CTNS: variants seen among roughly 807,000 people sequenced by gnomAD.
CTNS encodes cystinosin, lysosomal cystine transporter, also known as cystinosin.
CTNS carries 27 observed loss-of-function variants against 43.7 expected under a neutral mutation model. The observed-to-expected ratio is 0.62, with a 90% confidence interval of 0.46 to 0.85. CTNS has a LOEUF of 0.85. Ranked by LOEUF, CTNS falls within the 40% of genes least tolerant of loss-of-function variation. The probability of loss-of-function intolerance (pLI) is 0.00; values close to 1 mark genes in which losing one functional copy is unlikely to be tolerated. For synonymous variants in CTNS, 187 were observed against 190.6 expected (o/e 0.98, Z 0.16); for missense variants, 457 against 475.4 (o/e 0.96, Z 0.36).
At chr17:3,637,876 G>C (rs1412927823) in intron 2 of CTNS, among the ~76,000 whole-genome samples, 2 of 146,486 alleles carry the variant, frequency 1.4e-5, no homozygotes, top group Admixed American at 1.3e-4. Flanking sequence ...GGTCGCATAA[G>C]TAATAAATAG....
chr17:3,648,792 G>C (rs2075905534), intron 4 of CTNS, 55 bp from the exon 5 acceptor site: 2 of 1,406,658 alleles, frequency 1.4e-6, no homozygotes, highest in African/African-American at 2.8e-5. Flanking sequence ...CAGAGGGTTG[G>C]TTGAGATCTC....
chr17:3,656,428 T>C lies in CTNS; in HGVS notation c.462-59T>C, dbSNP rs186245055. ...CCGCCAGTCCTCACCCTCTGCCCTG[T>C]CCCTCCACCCCTGCCAGTCTTCACC... On this transcript the variant is annotated intron_variant, in intron 7 of 11. Coordinates refer to ENST00000046640, the MANE Select transcript of CTNS (RefSeq NM_004937.3). 187 of 749,156 alleles carry C rather than the reference T, an allele frequency of 2.5e-4. 1 individual carries two copies. The East Asian group carries it at 5.5e-3, about 22-fold the overall frequency. 46.4% of individuals were successfully genotyped at this position (749,156 alleles called of 1,614,324 possible). A position where few individuals can be genotyped will look rare whatever the true frequency, so the allele number is the denominator to read the frequency against.
At chr17:3,650,847 G>T (rs1016698378) in intron 5 of CTNS, among the ~76,000 whole-genome samples, 2 of 152,142 alleles carry the variant, frequency 1.3e-5, no homozygotes, top group South Asian at 4.1e-4. Flanking sequence ...CTGTCGCCCA[G>T]GTTGGAGTAA....
intron 5 of CTNS, among the ~76,000 whole-genome samples, chr17:3,651,352 C>G (rs1000097396): frequency 6.6e-6 from 1 of 152,156 alleles, no homozygotes; most frequent in African/African-American, 2.4e-5. Context: ...ACCTCGGCCT[C>G]CCAAAGTGCT....
intron 7 of CTNS, 34 bp from the exon 8 acceptor site, chr17:3,656,453 C>T: frequency 1.4e-6 from 2 of 1,440,614 alleles, no homozygotes; most frequent in Non-Finnish European, 1.9e-6. Flanking sequence ...CAGTCTTCAC[C>T]CCCTGCCCTG....
intron 10 of CTNS, 90 bp downstream of exon 10, chr17:3,658,265 G>A (rs759167881): frequency 9.8e-6 from 15 of 1,536,028 alleles, no homozygotes; most frequent in South Asian, 3.5e-5. Context: ...AGCTCCTGCC[G>A]GCGTGAGGAA....
At position 3,660,451 on chromosome 17, in the gene CTNS, T is replaced by C; in HGVS notation, c.*82T>C. On this transcript the variant is annotated 3_prime_UTR_variant, in exon 12 of 12. Coordinates refer to ENST00000046640, the MANE Select transcript of CTNS (RefSeq NM_004937.3). ...CACCCAGCGAAGGCCGGAGAAGCGG[T>C]TGGGCCCTGGCACACAGGGCTGGCT... 1 of 1,613,442 alleles carries C rather than the reference T, an allele frequency of 6.2e-7. No homozygotes were observed. Among genetic ancestry groups the C allele is most frequent in the South Asian group, 1.1e-5 (1 of 90,908 alleles).
chr17:3,655,739 A>G, intron 7 of CTNS: 1 of 328,754 alleles, frequency 3.0e-6, no homozygotes, highest in South Asian at 2.7e-5. Context: ...CTTGACTTGC[A>G]AAGACACAAG....
In CTNS at chr17:3,658,344, G is replaced by A. The variant is rs1044408278; in HGVS notation, c.852+169G>A. On this transcript the variant is annotated intron_variant, in intron 10 of 11. Transcript: ENST00000046640. ...GGGGCGGTGGGGAGGCCAGCCTGCC[G>A]CTCTTCCCCCGGGGCTGGAATCACA... 4.6e-5 allele frequency among the ~76,000 whole-genome samples: 7 copies of A among 152,270 alleles called. No individual in the cohort carries two copies. The East Asian group carries it at 1.2e-3, about 25-fold the overall frequency.
chr17:3,658,341 G>A (rs1056271225), intron 10 of CTNS, among the ~76,000 whole-genome samples, 166 bp downstream of exon 10: 1 of 152,218 alleles, frequency 6.6e-6, no homozygotes, highest in African/African-American at 2.4e-5. Context: ...AGGCCAGCCT[G>A]CCGCTCTTCC....
intron 5 of CTNS, among the ~76,000 whole-genome samples, chr17:3,653,419 A>G (rs947529158): frequency 6.6e-6 from 1 of 152,134 alleles, no homozygotes; most frequent in African/African-American, 2.4e-5. Flanking sequence ...CTCAAAACAT[A>G]TATAATAATA....
chr17:3,640,910 GA>G (rs1300877004), intron 3 of CTNS, among the ~76,000 whole-genome samples: 2 of 151,642 alleles, frequency 1.3e-5, no homozygotes, highest in African/African-American at 2.4e-5. Context: ...GACTTTAAAA[GA>G]AAAAAAAGAA....
rs757673264 is a variant in CTNS at position 3,655,049 on chromosome 17, A to G, written c.277A>G (p.Asn93Asp). ...CTCCTCTTTTCAAGTGACATCTCAA[A>G]ATGTTGGACAACTTACTGTTTATCT... ...TNSSFQVTSQ[N>D]VGQLTVYLHG... Residue 93 changes from asparagine to aspartate, a missense_variant, in exon 6 of 12, where the codon AAT becomes GAT. Physicochemically the swap from Asn to Asp is conservative, Grantham distance 23. Transcript: ENST00000046640. 1 of 1,614,052 alleles carries G rather than the reference A, an allele frequency of 6.2e-7. No homozygotes were observed. The highest frequency in any genetic ancestry group is 2.2e-5 in the East Asian group (1 of 44,900).
At position 3,656,565 on chromosome 17, in the gene CTNS, C is replaced by T. The variant is rs760508210; in HGVS notation, c.540C>T (p.Leu180=). ...CCTACAGTGTATTCAACATCGGCCT[C>T]CTCTGGGTGCCCTACATCAAGGTAC... ...FVAYSVFNIG[L]LWVPYIKEQF... Residue 180 remains leucine (L), a synonymous_variant, in exon 8 of 12, where the codon CTC becomes CTT. Transcript: ENST00000046640. 3 of 1,611,174 alleles carry T rather than the reference C, an allele frequency of 1.9e-6. No homozygotes were observed. The highest frequency in any genetic ancestry group is 2.5e-6 in the Non-Finnish European group (3 of 1,179,486).
chr17:3,638,511 T>TA (rs1472309082), intron 2 of CTNS, among the ~76,000 whole-genome samples: 2 of 152,022 alleles, frequency 1.3e-5, no homozygotes, highest in Non-Finnish European at 2.9e-5. Flanking sequence ...GTGCTGGAAT[T>TA]ACACACACGA....
Position 3,656,494 on chromosome 17 carries a change from G to A in CTNS, c.469G>A (p.Gly157Ser). ...TCCCTCCACCCCCTGCAGTGTCATT[G>A]GTCTGAGCTTCGACTTCGTGGCTCT... ...IMNWRRKSVI[G>S]LSFDFVALNL... The change falls in exon 8 of 12, where the codon GGT (glycine) becomes AGT (serine). Residue 157 changes from glycine (G) to serine (S), a missense_variant. By Grantham distance (56) the Gly-to-Ser change is moderately conservative. Transcript: ENST00000046640. 1 of 1,593,238 alleles carries A rather than the reference G, an allele frequency of 6.3e-7. No homozygotes were observed. The highest frequency in any genetic ancestry group is 1.7e-4 in the Middle Eastern group (1 of 6,050).
intron 5 of CTNS, among the ~76,000 whole-genome samples, chr17:3,653,857 CA>C (rs1233986488): frequency 1.4e-5 from 2 of 138,974 alleles, no homozygotes; most frequent in Non-Finnish European, 3.1e-5. Context: ...GCCTGGGCAA[CA>C]AGAGCAAAAC....
At chr17:3,641,355 G>GAGATATATATATATATATATATAT (rs777820533) in intron 3 of CTNS, among the ~76,000 whole-genome samples, 6 of 64,062 alleles carry the variant, frequency 9.4e-5, no homozygotes, top group African/African-American at 4.9e-4. Context: ...ACAAAAATCA[G>GAGATATATATATATATATATATAT]ATACATATAT....
chr17:3,647,747 G>A (rs2075878593), intron 4 of CTNS: 6 of 607,418 alleles, frequency 9.9e-6, no homozygotes, highest in Non-Finnish European at 1.8e-5. Flanking sequence ...GGAGAAGGAA[G>A]GGGTGCTTCT....
Sources: gnomAD v4.1 joint callset for allele counts (sites outside exome capture counted in the v4.1 genomes callset) on GRCh38, gnomAD v4.1.1 for gene constraint, MANE v1.5 for transcripts, NCBI Gene and HGNC (gene_info 2026-07-23, HGNC 2026-07-21) for gene names.